Variants in PEX5L observed in about 807,000 individuals in gnomAD.
PEX5L encodes PEX5-related protein.
Under a neutral mutation model 84.0 loss-of-function variants are expected in PEX5L, and 30 were observed. That is an observed-to-expected ratio of 0.36 (90% CI 0.27 to 0.48). The LOEUF is 0.48. Among genes scored for constraint, PEX5L ranks in the 20% least tolerant of loss-of-function variants. The pLI is 0.99. For synonymous variants in PEX5L, 270 were observed against 283.1 expected (o/e 0.95, Z 0.46); for missense variants, 533 against 754.6 (o/e 0.71, Z 3.44).
intron 1 of PEX5L, among the ~76,000 whole-genome samples, chr3:180,016,104 C>T (rs965055540): frequency 3.3e-5 from 5 of 151,894 alleles, no homozygotes; most frequent in African/African-American, 1.2e-4. Context: ...TGTAACACCA[C>T]CACCACCACC....
At chr3:179,820,164 G>T in intron 8 of PEX5L, 188 bp from the exon 9 acceptor site, 1 of 689,906 alleles carries the variant, frequency 1.4e-6, no homozygotes, top group Non-Finnish European at 2.4e-6. Context: ...AAGTGGATTA[G>T]CTGTGGTTTT....
rs201029992 is a variant in PEX5L at position 179,815,833 on chromosome 3, G to T, written c.1083+28C>A. The T allele has an allele frequency of 1.9e-6, 3 of 1,612,692 alleles. No homozygotes were observed. The African/African-American group carries it at 4.0e-5, about 21-fold the overall frequency. ...CCTTGTTAGCACATGCCCTTTCTGA[G>T]TCTGGCAGAATGAAGGGAGAATGAC... On this transcript the variant is annotated intron_variant, in intron 10 of 14. Coordinates refer to ENST00000467460, the MANE Select transcript of PEX5L (RefSeq NM_016559.3).
In PEX5L at chr3:179,994,924, C is replaced by T. The variant is rs535144910; in HGVS notation, c.22-23259G>A. 1.2e-4 allele frequency among the ~76,000 whole-genome samples: 19 copies of T among 152,058 alleles called. No homozygotes were observed. The East Asian group carries it at 3.7e-3, about 29-fold the overall frequency. On this transcript the variant is annotated intron_variant, in intron 1 of 14. Transcript: ENST00000467460. ...TGTTTTGGGACTCGGACTGGCTCTC[C>T]TTGCTCCTCAGCTTCCAGATGGCCT...
chr3:179,941,945 C>A (rs1776217183), intron 2 of PEX5L, among the ~76,000 whole-genome samples: 1 of 135,690 alleles, frequency 7.4e-6, no homozygotes, highest in Non-Finnish European at 1.5e-5. Flanking sequence ...CGCTTGAACC[C>A]GGGAGGCGGA....
intron 2 of PEX5L, among the ~76,000 whole-genome samples, chr3:179,898,843 A>C (rs1430179163): frequency 7.9e-5 from 12 of 152,280 alleles, no homozygotes; most frequent in African/African-American, 2.6e-4. Context: ...AACATTTTGC[A>C]ACTTTCAATG....
intron 1 of PEX5L, among the ~76,000 whole-genome samples, chr3:180,016,260 A>G (rs1789938427): frequency 6.6e-6 from 1 of 152,196 alleles, no homozygotes; most frequent in Admixed American, 6.5e-5. Context: ...CATAATACTT[A>G]AAGTTTTATT....
chr3:179,950,727 T>C (rs560581377), intron 2 of PEX5L, among the ~76,000 whole-genome samples: 1 of 152,270 alleles, frequency 6.6e-6, no homozygotes, highest in South Asian at 2.1e-4. Flanking sequence ...GGTAAGATCA[T>C]GATAACATGC....
intron 1 of PEX5L, chr3:179,973,558 C>CA (rs1785292566): frequency 1.0e-6 from 1 of 970,438 alleles, no homozygotes; most frequent in Non-Finnish European, 1.2e-6. Flanking sequence ...TACTTCTCTG[C>CA]ATATGGACTC....
intron 8 of PEX5L, among the ~76,000 whole-genome samples, chr3:179,821,858 G>A (rs1216986568): frequency 6.6e-6 from 1 of 152,204 alleles, no homozygotes; most frequent in Non-Finnish European, 1.5e-5. Context: ...TAATAGAAAT[G>A]TGCCTTTGAA....
chr3:179,975,776 C>T (rs1004682323), intron 1 of PEX5L, among the ~76,000 whole-genome samples: 1 of 152,192 alleles, frequency 6.6e-6, no homozygotes, highest in Non-Finnish European at 1.5e-5. Flanking sequence ...CAAAATTGCT[C>T]AGATTTTCCC....
intron 2 of PEX5L, among the ~76,000 whole-genome samples, chr3:179,958,118 C>G (rs544878549): frequency 1.1e-4 from 17 of 152,242 alleles, no homozygotes; most frequent in African/African-American, 3.4e-4. Flanking sequence ...TTTCCAGTTT[C>G]CCCATCTTAA....
rs376968795 is a variant in PEX5L at position 179,807,736 on chromosome 3, C to T, written c.1614G>A (p.Gln538=). ...VEAYTRALEI[Q]PGFIRSRYNL... ...TGTATCTGGACCGGATGAATCCTGGCTGAATCTCCAGTGCTCGCGTATAGG... is the reference window on the plus strand; with the variant it reads ...TGTATCTGGACCGGATGAATCCTGGTTGAATCTCCAGTGCTCGCGTATAGG... The change falls in exon 14 of 15, where the codon CAG becomes CAA. Residue 538 remains glutamine, a synonymous_variant. Coordinates refer to ENST00000467460, the MANE Select transcript of PEX5L (RefSeq NM_016559.3). The T allele has an allele frequency of 6.8e-6, 11 of 1,614,086 alleles. No homozygotes were observed. The African/African-American group carries it at 1.5e-4, about 22-fold the overall frequency.
chr3:179,866,780 T>C (rs1000754540), intron 7 of PEX5L, among the ~76,000 whole-genome samples: 5 of 151,662 alleles, frequency 3.3e-5, no homozygotes, highest in African/African-American at 1.2e-4. Flanking sequence ...ATCCCAGCAC[T>C]TTGGGAGGCC....
chr3:179,819,035 CT>C (rs201033285), intron 9 of PEX5L, among the ~76,000 whole-genome samples: 229 of 137,888 alleles, frequency 1.7e-3, no homozygotes, highest in Admixed American at 1.8e-3. Flanking sequence ...ACAGTTCTTT[CT>C]TTTTTTTTTT....
intron 8 of PEX5L, among the ~76,000 whole-genome samples, chr3:179,840,800 G>A (rs1239786218): frequency 1.3e-5 from 2 of 152,150 alleles, no homozygotes; most frequent in Non-Finnish European, 1.5e-5. Flanking sequence ...AGATCATGGT[G>A]CTATTATTGA....
At chr3:179,904,174 C>G (rs955440120) in intron 2 of PEX5L, among the ~76,000 whole-genome samples, 10 of 152,148 alleles carry the variant, frequency 6.6e-5, no homozygotes, top group African/African-American at 1.9e-4. Flanking sequence ...CCAGTTGACC[C>G]TTTATGTATT....
At chr3:179,843,269 G>A (rs1017187991) in intron 8 of PEX5L, among the ~76,000 whole-genome samples, 1 of 152,186 alleles carries the variant, frequency 6.6e-6, no homozygotes, top group Non-Finnish European at 1.5e-5. Context: ...CAAATCACCT[G>A]AAGATCTTTT....
chr3:179,812,009 T>G (rs2108816104), intron 10 of PEX5L, 138 bp from the exon 11 acceptor site: 1 of 668,984 alleles, frequency 1.5e-6, no homozygotes, highest in East Asian at 2.6e-5. Context: ...AAGGGAAAAA[T>G]ATTGTATGCA....
chr3:179,962,257 G>C (rs557329162), intron 2 of PEX5L, among the ~76,000 whole-genome samples: 1 of 152,262 alleles, frequency 6.6e-6, no homozygotes, highest in East Asian at 1.9e-4. Context: ...GGGACATTTG[G>C]AAGAAAGGAG....
Sources: allele counts gnomAD v4.1 joint callset (sites outside exome capture counted in the v4.1 genomes callset), GRCh38; gene constraint gnomAD v4.1.1; transcripts MANE v1.5; gene names NCBI Gene and HGNC (gene_info 2026-07-23, HGNC 2026-07-21).